The following CIAPIN1 variants were observed in gnomAD, a reference collection of about 807,000 sequenced individuals.
CIAPIN1 encodes the protein cytokine induced apoptosis inhibitor 1, also known as anamorsin.
In CIAPIN1, 18 loss-of-function variants were observed where a neutral mutation model predicts 34.3. The ratio of observed to expected loss-of-function variants is 0.52; its 90% CI spans 0.36 to 0.78. CIAPIN1 has a LOEUF of 0.78. CIAPIN1 is among the 30% of genes least tolerant of loss of function. The pLI is 0.00. For synonymous variants in CIAPIN1, 131 were observed against 140.4 expected (o/e 0.93, Z 0.47); for missense variants, 310 against 372.5 (o/e 0.83, Z 1.38).
chr16:57,442,346 A>T (rs889024439), intron 1 of CIAPIN1, among the ~76,000 whole-genome samples: 10 of 151,926 alleles, frequency 6.6e-5, no homozygotes, highest in Non-Finnish European at 1.5e-4. Context: ...CTCCGTCTCA[A>T]AATAAATAAA....
intron 1 of CIAPIN1, among the ~76,000 whole-genome samples, chr16:57,443,513 A>G (rs1343356893): frequency 2.0e-5 from 3 of 152,172 alleles, no homozygotes; most frequent in Admixed American, 1.3e-4. Flanking sequence ...GCTGGAATGC[A>G]GTGGCACAAT....
At chr16:57,445,167 A>G (rs2030004563) in intron 1 of CIAPIN1, among the ~76,000 whole-genome samples, 1 of 152,214 alleles carries the variant, frequency 6.6e-6, no homozygotes, top group South Asian at 2.1e-4. Flanking sequence ...TGCATAAAAG[A>G]GTTCCAAGAA....
At position 57,432,680 on chromosome 16, in the gene CIAPIN1, T is replaced by C. The variant is rs1447203204; in HGVS notation, c.557-120A>G. ...ACACACTGGCCTGGGAGGCAGAAGATGTGGGTTCACAGTCCAGCTCTACCC... is the reference window on the plus strand; with the variant it reads ...ACACACTGGCCTGGGAGGCAGAAGACGTGGGTTCACAGTCCAGCTCTACCC... On this transcript the variant is annotated intron_variant, in intron 5 of 8. Transcript: ENST00000394391. 9.7e-6 allele frequency: 9 copies of C among 924,394 alleles called. No individual in the cohort carries two copies. In the African/African-American group the frequency reaches 1.5e-4, roughly 16 times the overall value. 57.3% of individuals were successfully genotyped at this position (924,394 alleles called of 1,614,324 possible). A position where few individuals can be genotyped will look rare whatever the true frequency, so the allele number is the denominator to read the frequency against.
In CIAPIN1 at chr16:57,428,968, C is replaced by T; in HGVS notation, c.*202G>A. 5.7e-6 allele frequency: 3 copies of T among 530,446 alleles called. No homozygotes were observed. The highest frequency in any genetic ancestry group is 4.9e-4 in the Middle Eastern group (1 of 2,026). 32.9% of individuals were successfully genotyped at this position (530,446 alleles called of 1,614,324 possible). The stretch of plus-strand genomic sequence containing the variant: ...CCCATCCCATTCTGAAACCAGGTCC[C>T]ATAATACCTTGGTCTTTTGATACAC... On this transcript the variant is annotated 3_prime_UTR_variant, in exon 9 of 9. Coordinates refer to ENST00000394391, the MANE Select transcript of CIAPIN1 (RefSeq NM_020313.4).
chr16:57,428,262 T>C lies in CIAPIN1; in HGVS notation c.*908A>G, dbSNP rs749615599. The stretch of plus-strand genomic sequence containing the variant: ...TAAATCCACACAATCTCTCCAAATA[T>C]TTGGCAAGATTGATTCCAAGTCCAT... On this transcript the variant is annotated 3_prime_UTR_variant, in exon 9 of 9. Transcript: ENST00000394391. The C allele has an allele frequency of 3.9e-5, 6 of 152,204 alleles. No individual in the cohort carries two copies. Among genetic ancestry groups the C allele is most frequent in the Admixed American group, 6.5e-5 (1 of 15,282 alleles). The allele number at this position is 152,204 out of a possible 1,614,324, so 9.4% of individuals were successfully genotyped here.
intron 1 of CIAPIN1, among the ~76,000 whole-genome samples, chr16:57,446,032 G>A (rs529505052): frequency 6.6e-6 from 1 of 152,098 alleles, no homozygotes; most frequent in South Asian, 2.1e-4. Context: ...TCTTTGTAGA[G>A]ATGCGGTTTC....
At position 57,434,029 on chromosome 16, in the gene CIAPIN1, C is replaced by G. The variant is rs746989571; in HGVS notation, c.556+15G>C. ...AGCCCATTCAAACAGAAGAATGTCC[C>G]TAGGCCAGCCTTACCTGAAGGAGAA... On this transcript the variant is annotated intron_variant, in intron 5 of 8. Coordinates refer to ENST00000394391, the MANE Select transcript of CIAPIN1 (RefSeq NM_020313.4). The G allele has an allele frequency of 6.2e-7, 1 of 1,612,644 alleles. No individual in the cohort carries two copies. Among genetic ancestry groups the G allele is most frequent in the Non-Finnish European group, 8.5e-7 (1 of 1,179,092 alleles).
In CIAPIN1 at chr16:57,430,135, C is replaced by T. The variant is rs945071091; in HGVS notation, c.828+123G>A. 84 of 801,526 alleles carry T rather than the reference C, an allele frequency of 1.0e-4. No homozygotes were observed. In the East Asian group the frequency reaches 1.9e-3, roughly 18 times the overall value. The allele number at this position is 801,526 out of a possible 1,614,324, so 49.7% of individuals were successfully genotyped here. On this transcript the variant is annotated intron_variant, in intron 8 of 8. Coordinates refer to ENST00000394391, the MANE Select transcript of CIAPIN1 (RefSeq NM_020313.4). ...CTCTCTCCCCATTACTACCTACGTT[C>T]GTGTGCTCACGCATTCGTCTGTTAC...
intron 3 of CIAPIN1, among the ~76,000 whole-genome samples, chr16:57,438,606 G>A (rs1442331468): frequency 6.6e-6 from 1 of 152,130 alleles, no homozygotes; most frequent in Non-Finnish European, 1.5e-5. Context: ...ATAGTTCTAT[G>A]TAATTTTATT....
intron 6 of CIAPIN1, 109 bp downstream of exon 6, chr16:57,432,378 T>C (rs1903107251): frequency 1.2e-6 from 1 of 829,854 alleles, no homozygotes; most frequent in East Asian, 2.7e-5. Flanking sequence ...GTCACAAATC[T>C]GGGCTTTAAA....
chr16:57,438,927 A>G (rs1273397739), intron 3 of CIAPIN1, among the ~76,000 whole-genome samples: 1 of 152,228 alleles, frequency 6.6e-6, no homozygotes, highest in African/African-American at 2.4e-5. Flanking sequence ...TGAACATATC[A>G]AAGTTTATTC....
chr16:57,432,692 G>A, intron 5 of CIAPIN1, 132 bp from the exon 6 acceptor site: 1 of 726,968 alleles, frequency 1.4e-6, no homozygotes, highest in East Asian at 2.9e-5. Context: ...TGGGTTCACA[G>A]TCCAGCTCTA....
chr16:57,436,837 AG>A (rs1209725911), intron 3 of CIAPIN1, 105 bp from the exon 4 acceptor site: 1 of 771,832 alleles, frequency 1.3e-6, no homozygotes, highest in Non-Finnish European at 2.0e-6. Context: ...AATAATAACC[AG>A]GTGGGCGTGG....
chr16:57,445,834 G>GT (rs751037117), intron 1 of CIAPIN1, among the ~76,000 whole-genome samples: 858 of 70,480 alleles, frequency 0.012, 77 homozygotes, highest in East Asian at 0.024. Flanking sequence ...GACCTTAGAG[G>GT]TTTTTTTTTT....
intron 5 of CIAPIN1, chr16:57,433,780 G>A: frequency 1.6e-5 from 6 of 382,266 alleles, no homozygotes; most frequent in South Asian, 1.3e-4. Context: ...TAAACTGTGT[G>A]ACTCAGTCCT....
In CIAPIN1 at chr16:57,439,182, C is replaced by A; in HGVS notation, c.310G>T (p.Asp104Tyr). 1 of 1,613,296 alleles carries A rather than the reference C, an allele frequency of 6.2e-7. No homozygotes were observed. Among genetic ancestry groups the A allele is most frequent in the Non-Finnish European group, 8.5e-7 (1 of 1,179,948 alleles). Residue 104 changes from aspartate (D) to tyrosine (Y), a missense_variant and splice_region_variant, in exon 3 of 9, where the codon GAT becomes TAT. By Grantham distance (160) the Asp-to-Tyr change is radical. Coordinates refer to ENST00000394391, the MANE Select transcript of CIAPIN1 (RefSeq NM_020313.4). ...GTTTTCCAAGTGAAGATCTCCTTAC[C>A]TACAGCTGTCTCTACTGGCTCCTTC... is the stretch of plus-strand genomic sequence containing the variant. ...FLKEPVETAV[D>Y]NNSKVKTASK...
chr16:57,439,016 C>A (rs1359567370), intron 3 of CIAPIN1, among the ~76,000 whole-genome samples, 166 bp downstream of exon 3: 1 of 152,184 alleles, frequency 6.6e-6, no homozygotes, highest in Non-Finnish European at 1.5e-5. Context: ...ATTACAATTT[C>A]TCCAGATATG....
chr16:57,445,795 A>G (rs2030029373), intron 1 of CIAPIN1, among the ~76,000 whole-genome samples: 2 of 148,142 alleles, frequency 1.4e-5, no homozygotes, highest in Admixed American at 6.7e-5. Context: ...TGCCCTCAAG[A>G]GAACGCTCTG....
chr16:57,436,434 T>A (rs1007905749), intron 4 of CIAPIN1, among the ~76,000 whole-genome samples: 37 of 152,110 alleles, frequency 2.4e-4, no homozygotes, highest in African/African-American at 8.7e-4. Context: ...TTCACTGTGT[T>A]AGCCAGGATG....
Sources: allele counts gnomAD v4.1 joint callset (sites outside exome capture counted in the v4.1 genomes callset), GRCh38; gene constraint gnomAD v4.1.1; transcripts MANE v1.5; gene names NCBI Gene and HGNC (gene_info 2026-07-23, HGNC 2026-07-21).